GRM5: variants seen among roughly 807,000 people sequenced by gnomAD.
GRM5 encodes the protein metabotropic glutamate receptor 5.
Under a neutral mutation model 83.1 loss-of-function variants are expected in GRM5, and 19 were observed. The ratio of observed to expected loss-of-function variants is 0.23; its 90% CI spans 0.16 to 0.34. The LOEUF is 0.34. Ranked by LOEUF, GRM5 falls within the 10% of genes least tolerant of loss-of-function variation. GRM5 has a pLI of 1.00. For missense variants in GRM5, 1,160 were observed against 1,588.3 expected (o/e 0.73, Z 4.58); for synonymous variants, 675 against 633.6 (o/e 1.07, Z -0.98).
At chr11:88,685,473 A>C (rs555359635) in intron 3 of GRM5, among the ~76,000 whole-genome samples, 1 of 152,358 alleles carries the variant, frequency 6.6e-6, no homozygotes, top group South Asian at 2.1e-4. Flanking sequence ...CATTTTCTAA[A>C]GAGAAATTCA....
At chr11:88,965,603 G>A (rs551394698) in intron 2 of GRM5, among the ~76,000 whole-genome samples, 1 of 152,114 alleles carries the variant, frequency 6.6e-6, no homozygotes, top group Admixed American at 6.6e-5. Flanking sequence ...AAGGAAAGCT[G>A]GAGTAGCAAT....
chr11:88,840,897 G>A (rs917579730), intron 3 of GRM5, among the ~76,000 whole-genome samples: 3 of 152,274 alleles, frequency 2.0e-5, no homozygotes, highest in African/African-American at 7.2e-5. Flanking sequence ...TCCTAGCCAG[G>A]TACTTCATGA....
intron 2 of GRM5, among the ~76,000 whole-genome samples, chr11:89,022,331 A>G (rs918864135): frequency 6.6e-6 from 1 of 152,066 alleles, no homozygotes; most frequent in African/African-American, 2.4e-5. Flanking sequence ...CACAAGGTAG[A>G]AGTTATGCAA....
intron 3 of GRM5, among the ~76,000 whole-genome samples, chr11:88,708,983 A>G (rs1941224065): frequency 1.3e-5 from 2 of 152,086 alleles, no homozygotes; most frequent in Admixed American, 1.3e-4. Flanking sequence ...TTATAATACC[A>G]TATTTAATCA....
intron 3 of GRM5, among the ~76,000 whole-genome samples, chr11:88,676,455 T>TATATTGTATATACA (rs1940332498): frequency 6.6e-6 from 1 of 152,044 alleles, no homozygotes; most frequent in Non-Finnish European, 1.5e-5. Context: ...GCAGGAATTG[T>TATATTGTATATACA]ATATTGAATA....
chr11:88,705,780 A>C (rs781487367), intron 3 of GRM5, among the ~76,000 whole-genome samples: 2 of 151,862 alleles, frequency 1.3e-5, no homozygotes, highest in Non-Finnish European at 2.9e-5. Flanking sequence ...TCTCCCCTTC[A>C]ATAATTATTT....
At chr11:88,986,350 T>C (rs1341820590) in intron 2 of GRM5, among the ~76,000 whole-genome samples, 4 of 152,074 alleles carry the variant, frequency 2.6e-5, no homozygotes, top group African/African-American at 7.2e-5. Context: ...AAAGAGAAAA[T>C]GGAGGAAGTG....
intron 6 of GRM5, among the ~76,000 whole-genome samples, chr11:88,594,860 G>C (rs1347461813): frequency 6.6e-6 from 1 of 152,118 alleles, no homozygotes; most frequent in East Asian, 1.9e-4. Context: ...CCTGAAATGT[G>C]GTGTGGTAGT....
intron 3 of GRM5, among the ~76,000 whole-genome samples, chr11:88,822,636 G>A (rs972765678): frequency 2.0e-5 from 3 of 152,006 alleles, no homozygotes; most frequent in Non-Finnish European, 4.4e-5. Context: ...AGCACACAGG[G>A]CTGGAATACA....
Position 88,505,951 on chromosome 11 carries a change from A to C in GRM5, c.*2641T>G, listed in dbSNP as rs185275293. The C allele has an allele frequency of 6.6e-6, 1 of 152,328 alleles. No individual in the cohort carries two copies. The highest frequency in any genetic ancestry group is 1.5e-5 in the Non-Finnish European group (1 of 68,012). 9.4% of individuals were successfully genotyped at this position (152,328 alleles called of 1,614,324 possible). A position where few individuals can be genotyped will look rare whatever the true frequency, so the allele number is the denominator to read the frequency against. Reference sequence around the variant, plus strand: ...GTTATTACTTGGAACCTGGTATTAGAATTGGCAAAGAGACAGAGTTAGCAT... The same window carrying C: ...GTTATTACTTGGAACCTGGTATTAGCATTGGCAAAGAGACAGAGTTAGCAT... On this transcript the variant is annotated 3_prime_UTR_variant, in exon 10 of 10. Coordinates refer to ENST00000305447, the MANE Select transcript of GRM5 (RefSeq NM_001143831.3).
At chr11:88,938,194 T>C (rs1260470476) in intron 2 of GRM5, among the ~76,000 whole-genome samples, 1 of 151,740 alleles carries the variant, frequency 6.6e-6, no homozygotes, top group African/African-American at 2.4e-5. Flanking sequence ...TTGTCAGTTG[T>C]ATGTCAAGAA....
chr11:88,784,199 G>A (rs1175957945), intron 3 of GRM5, among the ~76,000 whole-genome samples: 1 of 152,020 alleles, frequency 6.6e-6, no homozygotes, highest in East Asian at 1.9e-4. Flanking sequence ...GTTTGTGTTA[G>A]GCAGCAGCCT....
chr11:88,737,187 T>A (rs1565207824), intron 3 of GRM5, among the ~76,000 whole-genome samples: 1 of 152,072 alleles, frequency 6.6e-6, no homozygotes, highest in Non-Finnish European at 1.5e-5. Flanking sequence ...CATAAGTTAC[T>A]GCTTCTTATG....
chr11:88,572,523 G>GT (rs1305912549), intron 7 of GRM5, among the ~76,000 whole-genome samples: 1 of 152,022 alleles, frequency 6.6e-6, no homozygotes, highest in Non-Finnish European at 1.5e-5. Flanking sequence ...ATAATTATAT[G>GT]TTTTTTTCCC....
At chr11:88,708,498 G>C (rs1313212802) in intron 3 of GRM5, among the ~76,000 whole-genome samples, 1 of 152,010 alleles carries the variant, frequency 6.6e-6, no homozygotes, top group Non-Finnish European at 1.5e-5. Context: ...TTCGAATTGT[G>C]TCTCTGTCAC....
At chr11:89,041,967 C>T (rs962415176) in intron 2 of GRM5, among the ~76,000 whole-genome samples, 7 of 152,292 alleles carry the variant, frequency 4.6e-5, no homozygotes, top group African/African-American at 1.2e-4. Flanking sequence ...CGCAAACCTT[C>T]GATACGACCC....
In GRM5 at chr11:88,506,841, A is replaced by T. The variant is rs924541162; in HGVS notation, c.*1751T>A. The T allele has an allele frequency of 3.3e-5, 5 of 151,308 alleles. No individual in the cohort carries two copies. Among genetic ancestry groups the T allele is most frequent in the African/African-American group, 7.3e-5 (3 of 41,152 alleles). 9.4% of individuals were successfully genotyped at this position (151,308 alleles called of 1,614,324 possible). Reference sequence around the variant, plus strand: ...ATTTTCTGTTAAGTAGATGTGAAATAAAAAAAAATACTTACCAAAGTAAGG... The same window carrying T: ...ATTTTCTGTTAAGTAGATGTGAAATTAAAAAAAATACTTACCAAAGTAAGG... On this transcript the variant is annotated 3_prime_UTR_variant, in exon 10 of 10. Coordinates refer to ENST00000305447, the MANE Select transcript of GRM5 (RefSeq NM_001143831.3).
chr11:88,966,111 A>C (rs1483054021), intron 2 of GRM5, among the ~76,000 whole-genome samples: 1 of 152,168 alleles, frequency 6.6e-6, no homozygotes, highest in East Asian at 1.9e-4. Context: ...GAAACCTTTA[A>C]GTACTTGGAA....
intron 3 of GRM5, among the ~76,000 whole-genome samples, chr11:88,686,573 A>C (rs551970547): frequency 6.6e-6 from 1 of 152,036 alleles, no homozygotes; most frequent in Non-Finnish European, 1.5e-5. Flanking sequence ...TCTCCACCCA[A>C]ATCTCATCTT....
Sources: allele counts gnomAD v4.1 joint callset (sites outside exome capture counted in the v4.1 genomes callset), GRCh38; gene constraint gnomAD v4.1.1; transcripts MANE v1.5; gene names NCBI Gene and HGNC (gene_info 2026-07-23, HGNC 2026-07-21).